TFB2M: variants seen among roughly 807,000 people sequenced by gnomAD.
TFB2M encodes transcription factor B2, mitochondrial.
Under a neutral mutation model 41.3 loss-of-function variants are expected in TFB2M, and 44 were observed. That is an observed-to-expected ratio of 1.07 (90% CI 0.84 to 1.37). The LOEUF is 1.37. Ranked by LOEUF, TFB2M falls within the 40% of genes most tolerant of loss-of-function variation. The pLI is 0.00. For synonymous variants in TFB2M, 188 were observed against 176.8 expected, an observed-to-expected ratio of 1.06 and a Z score of -0.50; for missense variants, 496 against 490.2, an observed-to-expected ratio of 1.01 and a Z score of -0.11.
At chr1:246,551,682 C>T (rs577309749) in intron 4 of TFB2M, among the ~76,000 whole-genome samples, 52 of 146,782 alleles carry the variant, frequency 3.5e-4, no homozygotes, top group African/African-American at 1.2e-3. Flanking sequence ...ATAGTGAGAC[C>T]GCATCTCTTA....
At chr1:246,545,023 T>C (rs370774782) in intron 6 of TFB2M, among the ~76,000 whole-genome samples, 5 of 151,322 alleles carry the variant, frequency 3.3e-5, no homozygotes, top group Non-Finnish European at 7.4e-5. Flanking sequence ...GCCAGGATGG[T>C]CTCGATCTCC....
chr1:246,551,821 G>A (rs1659192613), intron 4 of TFB2M, among the ~76,000 whole-genome samples: 1 of 152,224 alleles, frequency 6.6e-6, no homozygotes, highest in South Asian at 2.1e-4. Context: ...TGGGCCAGTG[G>A]AATATAACCC....
chr1:246,559,702 G>A (rs1006419125), intron 2 of TFB2M, among the ~76,000 whole-genome samples: 1 of 152,198 alleles, frequency 6.6e-6, no homozygotes, highest in African/African-American at 2.4e-5. Flanking sequence ...CTAGGTAGAG[G>A]TGCCAGGTAG....
intron 4 of TFB2M, among the ~76,000 whole-genome samples, chr1:246,554,627 T>C (rs1659271599): frequency 2.0e-5 from 3 of 152,176 alleles, no homozygotes; most frequent in African/African-American, 7.2e-5. Context: ...TGATTCTACA[T>C]TATGGTGAGT....
chr1:246,540,857 G>T lies in TFB2M; in HGVS notation c.*174C>A. Reference sequence around the variant, plus strand: ...TTATTCAATTGTGAATAAAATAGCAGACACTGTTTCATCCAATAAGCCAAT... The same window carrying T: ...TTATTCAATTGTGAATAAAATAGCATACACTGTTTCATCCAATAAGCCAAT... On this transcript the variant is annotated 3_prime_UTR_variant, in exon 8 of 8. Coordinates refer to ENST00000366514, the MANE Select transcript of TFB2M (RefSeq NM_022366.3). 4.0e-6 allele frequency: 2 copies of T among 497,370 alleles called. No homozygotes were observed. The highest frequency in any genetic ancestry group is 3.5e-6 in the Non-Finnish European group (1 of 286,938). 30.8% of individuals were successfully genotyped at this position (497,370 alleles called of 1,614,324 possible).
chr1:246,559,832 G>A (rs1236587293), intron 2 of TFB2M, among the ~76,000 whole-genome samples: 1 of 152,152 alleles, frequency 6.6e-6, no homozygotes, highest in Non-Finnish European at 1.5e-5. Flanking sequence ...GAGAAACAGA[G>A]GACTAGCCCT....
chr1:246,562,307 G>C (rs1053944731), intron 2 of TFB2M, among the ~76,000 whole-genome samples: 1 of 152,168 alleles, frequency 6.6e-6, no homozygotes, highest in African/African-American at 2.4e-5. Context: ...GAGAGTAAGA[G>C]ACTGGTTAAA....
intron 3 of TFB2M, 124 bp from the exon 4 acceptor site, chr1:246,556,845 T>A: frequency 1.2e-6 from 1 of 801,114 alleles, no homozygotes; most frequent in Non-Finnish European, 1.9e-6. Context: ...CAATTAAAAC[T>A]AAGCCTCAAT....
chr1:246,557,954 C>G (rs1309396273), intron 2 of TFB2M, among the ~76,000 whole-genome samples: 8 of 152,112 alleles, frequency 5.3e-5, no homozygotes, highest in Non-Finnish European at 4.4e-5. Context: ...CAGGCGTGAG[C>G]CACCACGCCC....
At chr1:246,560,211 T>C (rs890376907) in intron 2 of TFB2M, among the ~76,000 whole-genome samples, 1 of 152,190 alleles carries the variant, frequency 6.6e-6, no homozygotes, top group Non-Finnish European at 1.5e-5. Flanking sequence ...ACCCCTGATA[T>C]AGCATTAACA....
At chr1:246,546,140 C>T (rs2102984036) in intron 6 of TFB2M, among the ~76,000 whole-genome samples, 1 of 136,054 alleles carries the variant, frequency 7.4e-6, no homozygotes, top group Middle Eastern at 3.6e-3. Flanking sequence ...CACAGGGAGA[C>T]TCCTTCTTTA....
chr1:246,547,234 G>T (rs1438788959), intron 6 of TFB2M, among the ~76,000 whole-genome samples: 1 of 152,018 alleles, frequency 6.6e-6, no homozygotes, highest in Non-Finnish European at 1.5e-5. Flanking sequence ...CACCCACCTC[G>T]GCCTCCCAAA....
At chr1:246,552,690 C>T (rs3120707) in intron 4 of TFB2M, among the ~76,000 whole-genome samples, 114,591 of 151,802 alleles carry the variant, frequency 0.75, 45,155 homozygotes, top group Non-Finnish European at 0.86. Flanking sequence ...CAGAGCAAGA[C>T]CCTGTCTCTA....
Position 246,556,634 on chromosome 1 carries a change from G to C in TFB2M, c.644C>G (p.Thr215Ser). The change falls in exon 4 of 8, where the codon ACT becomes AGT. Residue 215 changes from threonine to serine, a missense_variant. Transcript: ENST00000366514. ...TATTCGTCCAAATTTATATATAGAA[G>C]TACAGGAATACAAGTCATATGCGAG... ...WKLAYDLYSC[T>S]SIYKFGRIEV... 3 of 1,571,032 alleles carry C rather than the reference G, an allele frequency of 1.9e-6. No homozygotes were observed.
At chr1:246,544,041 G>A (rs1429763567) in intron 7 of TFB2M, among the ~76,000 whole-genome samples, 3 of 152,122 alleles carry the variant, frequency 2.0e-5, no homozygotes, top group African/African-American at 7.2e-5. Context: ...AGCAAGTAGT[G>A]TTACTTACAA....
Position 246,548,600 on chromosome 1 carries a change from C to A in TFB2M, c.803G>T (p.Trp268Leu). Residue 268 changes from tryptophan (W) to leucine (L), a missense_variant, in exon 6 of 8, where the codon TGG (tryptophan) becomes TTG (leucine). Transcript: ENST00000366514. ...CEIKVLHMEP[W>L]SSFDIYTRKG... Reference sequence around the variant, plus strand: ...CCGGGTGTATATATCAAATGATGACCAAGGCTCCTGGGGAAGAAAAACAAA... The same window carrying A: ...CCGGGTGTATATATCAAATGATGACAAAGGCTCCTGGGGAAGAAAAACAAA... 6.2e-7 allele frequency: 1 copy of A among 1,612,880 alleles called. No individual in the cohort carries two copies. Among genetic ancestry groups the A allele is most frequent in the Non-Finnish European group, 8.5e-7 (1 of 1,179,582 alleles).
At chr1:246,545,870 C>T (rs1281297578) in intron 6 of TFB2M, among the ~76,000 whole-genome samples, 2 of 148,908 alleles carry the variant, frequency 1.3e-5, no homozygotes, top group East Asian at 4.0e-4. Context: ...TTCTCAGCTG[C>T]AAAGCAAGTC....
At chr1:246,546,541 G>A (rs917944931) in intron 6 of TFB2M, among the ~76,000 whole-genome samples, 4 of 151,562 alleles carry the variant, frequency 2.6e-5, no homozygotes, top group Non-Finnish European at 5.9e-5. Context: ...TTGAACTCGG[G>A]AGGTAGGGGT....
At chr1:246,542,143 G>T (rs1447176632) in intron 7 of TFB2M, among the ~76,000 whole-genome samples, 2 of 151,948 alleles carry the variant, frequency 1.3e-5, no homozygotes, top group African/African-American at 4.8e-5. Context: ...TACAGTAAAA[G>T]ATACAGCATC....
Sources: gnomAD v4.1 joint callset for allele counts (sites outside exome capture counted in the v4.1 genomes callset) on GRCh38, gnomAD v4.1.1 for gene constraint, MANE v1.5 for transcripts, NCBI Gene and HGNC (gene_info 2026-07-23, HGNC 2026-07-21) for gene names.